ST8SIA4: variants seen among roughly 807,000 people sequenced by gnomAD.
ST8SIA4 encodes CMP-N-acetylneuraminate-poly-alpha-2,8-sialyltransferase.
ST8SIA4 carries 15 observed loss-of-function variants against 33.9 expected under a neutral mutation model. The ratio of observed to expected loss-of-function variants is 0.44; its 90% CI spans 0.30 to 0.68. The LOEUF (loss-of-function observed/expected upper bound fraction) is 0.68. Among genes scored for constraint, ST8SIA4 ranks in the 30% least tolerant of loss-of-function variants. The pLI, the probability that ST8SIA4 is intolerant of heterozygous loss-of-function variation, is 0.10. For synonymous variants in ST8SIA4, 171 were observed against 151.2 expected (o/e 1.13, Z -0.96); for missense variants, 321 against 428.0 (o/e 0.75, Z 2.21).
At chr5:100,846,294 C>T (rs1209152153) in intron 4 of ST8SIA4, among the ~76,000 whole-genome samples, 1 of 151,888 alleles carries the variant, frequency 6.6e-6, no homozygotes, top group Non-Finnish European at 1.5e-5. Context: ...ACTAACTGAA[C>T]CAAATTGCAA....
chr5:100,819,162 G>C (rs1040712769), intron 4 of ST8SIA4, among the ~76,000 whole-genome samples: 15 of 152,164 alleles, frequency 9.9e-5, no homozygotes, highest in African/African-American at 3.4e-4. Flanking sequence ...AGAGGATGCA[G>C]TTGTGGCTCA....
chr5:100,888,200 GAA>G (rs1275706895), intron 2 of ST8SIA4, among the ~76,000 whole-genome samples: 1 of 134,892 alleles, frequency 7.4e-6, no homozygotes, highest in African/African-American at 2.7e-5. Flanking sequence ...AGATTTTAAG[GAA>G]AAAAAAAAAA....
At chr5:100,868,046 C>G (rs1392926196) in intron 3 of ST8SIA4, among the ~76,000 whole-genome samples, 1 of 151,974 alleles carries the variant, frequency 6.6e-6, no homozygotes, top group Non-Finnish European at 1.5e-5. Context: ...GTATCTGATT[C>G]ATTACAAAGC....
chr5:100,828,894 C>T (rs1751195784), intron 4 of ST8SIA4, among the ~76,000 whole-genome samples: 2 of 151,788 alleles, frequency 1.3e-5, no homozygotes, highest in Admixed American at 1.3e-4. Context: ...GAAGAATTTT[C>T]ATTAGCTTAA....
At chr5:100,853,987 GTGTGTGTGTGTGTGTGTGTGTGTA>G (rs1468050105) in intron 4 of ST8SIA4, among the ~76,000 whole-genome samples, 13 of 24,024 alleles carry the variant, frequency 5.4e-4, no homozygotes, top group Admixed American at 2.5e-3. Context: ...GTGTGTGTAT[GTGTGTGTGTGTGTGTGTGTGTGTA>G]TGTTTAAGAT....
intron 1 of ST8SIA4, among the ~76,000 whole-genome samples, chr5:100,899,882 C>T (rs1752863102): frequency 6.6e-6 from 1 of 152,146 alleles, no homozygotes; most frequent in Admixed American, 6.5e-5. Context: ...TCAACTTAAA[C>T]TTTATTAACT....
chr5:100,819,621 A>C (rs1240497681), intron 4 of ST8SIA4, among the ~76,000 whole-genome samples: 1 of 152,230 alleles, frequency 6.6e-6, no homozygotes, highest in Non-Finnish European at 1.5e-5. Flanking sequence ...CAGAAGAGAC[A>C]GAAAATATTC....
intron 3 of ST8SIA4, among the ~76,000 whole-genome samples, chr5:100,876,066 A>G (rs184073397): frequency 6.6e-6 from 1 of 152,270 alleles, no homozygotes; most frequent in Admixed American, 6.5e-5. Flanking sequence ...TAAAACAAAG[A>G]CATAAAGCCT....
Position 100,868,608 on chromosome 5 carries a change from C to A in ST8SIA4, c.504-12212G>T, listed in dbSNP as rs1752130711. 2.0e-5 allele frequency among the ~76,000 whole-genome samples: 3 copies of A among 151,906 alleles called. No homozygotes were observed. The South Asian group carries it at 6.2e-4, about 31-fold the overall frequency. On this transcript the variant is annotated intron_variant, in intron 3 of 4. Coordinates refer to ENST00000231461, the MANE Select transcript of ST8SIA4 (RefSeq NM_005668.6). The stretch of plus-strand genomic sequence containing the variant: ...CCTAATTGGGTCTTTCATAACTATT[C>A]CCTCCCCTACCCAGAATTTTTGTTT...
In ST8SIA4 at chr5:100,806,964, C is replaced by T. The variant is rs552132173; in HGVS notation, c.*4883G>A. 6.6e-5 allele frequency: 10 copies of T among 152,168 alleles called. No individual in the cohort carries two copies. The highest frequency in any genetic ancestry group is 2.4e-4 in the African/African-American group (10 of 41,528). 9.4% of individuals were successfully genotyped at this position (152,168 alleles called of 1,614,324 possible). Reference sequence around the variant, plus strand: ...TTGTGAAATACTTTATTCCCTCAACCGCAAACAGAATGTGCTACACAAAAT... The same window carrying T: ...TTGTGAAATACTTTATTCCCTCAACTGCAAACAGAATGTGCTACACAAAAT... On this transcript the variant is annotated 3_prime_UTR_variant, in exon 5 of 5. Coordinates refer to ENST00000231461, the MANE Select transcript of ST8SIA4 (RefSeq NM_005668.6).
intron 4 of ST8SIA4, among the ~76,000 whole-genome samples, chr5:100,847,745 T>C (rs1751598625): frequency 6.6e-6 from 1 of 152,118 alleles, no homozygotes; most frequent in Non-Finnish European, 1.5e-5. Context: ...AGAAGTTAGC[T>C]AGATATGTCA....
chr5:100,828,876 G>C (rs914826992), intron 4 of ST8SIA4, among the ~76,000 whole-genome samples: 3 of 152,122 alleles, frequency 2.0e-5, no homozygotes, highest in Non-Finnish European at 4.4e-5. Context: ...CAGCAGGTCT[G>C]AGACTGAGAA....
chr5:100,902,942 C>G lies in ST8SIA4; in HGVS notation c.14G>C (p.Arg5Thr). Reference protein sequence around the residue: MRSIRKRWTICTISL... With the variant: MRSITKRWTICTISL... Reference sequence around the variant, plus strand: ...TATTGTGCAGATCGTCCACCTCTTCCTAATGGAGCGCATCTTGGGTGCCCG... The same window carrying G: ...TATTGTGCAGATCGTCCACCTCTTCGTAATGGAGCGCATCTTGGGTGCCCG... Residue 5 changes from arginine to threonine, a missense_variant, in exon 1 of 5, where the codon AGG becomes ACG. Coordinates refer to ENST00000231461, the MANE Select transcript of ST8SIA4 (RefSeq NM_005668.6). The G allele has an allele frequency of 6.2e-7, 1 of 1,614,154 alleles. No homozygotes were observed. The highest frequency in any genetic ancestry group is 1.6e-4 in the Middle Eastern group (1 of 6,062).
At position 100,891,554 on chromosome 5, in the gene ST8SIA4, A is replaced by G. The variant is rs1360439988; in HGVS notation, c.245+4100T>C. Among the ~76,000 whole-genome samples, 84 of 152,176 alleles carry G rather than the reference A, an allele frequency of 5.5e-4. 2 individuals carry two copies. Among genetic ancestry groups the G allele is most frequent in the Non-Finnish European group, 1.5e-5 (1 of 67,934 alleles). On this transcript the variant is annotated intron_variant, in intron 2 of 4. Coordinates refer to ENST00000231461, the MANE Select transcript of ST8SIA4 (RefSeq NM_005668.6). Reference sequence around the variant, plus strand: ...TAGTGTCAAAAAAAATCTTAAACACAACAAATGAAAAGGCAAAATTGTCCC... The same window carrying G: ...TAGTGTCAAAAAAAATCTTAAACACGACAAATGAAAAGGCAAAATTGTCCC...
chr5:100,858,167 A>G (rs1271037201), intron 3 of ST8SIA4, among the ~76,000 whole-genome samples: 1 of 152,050 alleles, frequency 6.6e-6, no homozygotes, highest in Non-Finnish European at 1.5e-5. Flanking sequence ...AAAGTAATCT[A>G]AACTCCTAAT....
At chr5:100,887,371 C>G (rs773468210) in intron 2 of ST8SIA4, among the ~76,000 whole-genome samples, 6 of 152,102 alleles carry the variant, frequency 3.9e-5, no homozygotes, top group Admixed American at 1.3e-4. Flanking sequence ...AGTCTCAAAA[C>G]CCAAGTAGAG....
intron 3 of ST8SIA4, among the ~76,000 whole-genome samples, chr5:100,868,229 G>A (rs550368600): frequency 1.3e-5 from 2 of 152,090 alleles, no homozygotes; most frequent in Non-Finnish European, 2.9e-5. Context: ...TTAATTGTGT[G>A]CTCATTGATA....
Position 100,807,071 on chromosome 5 carries a change from C to G in ST8SIA4, c.*4776G>C, listed in dbSNP as rs1750711215. The G allele has an allele frequency of 6.6e-6, 1 of 151,952 alleles. No homozygotes were observed. The highest frequency in any genetic ancestry group is 6.6e-5 in the Admixed American group (1 of 15,264). The allele number at this position is 151,952 out of a possible 1,614,324, so 9.4% of individuals were successfully genotyped here. A position where few individuals can be genotyped will look rare whatever the true frequency, so the allele number is the denominator to read the frequency against. The stretch of plus-strand genomic sequence containing the variant: ...TATACACTTAAAAATAAATGGTTTG[C>G]CTAATTGCCAACCACTAGGGCTAAG... On this transcript the variant is annotated 3_prime_UTR_variant, in exon 5 of 5. Coordinates refer to ENST00000231461, the MANE Select transcript of ST8SIA4 (RefSeq NM_005668.6).
intron 3 of ST8SIA4, among the ~76,000 whole-genome samples, chr5:100,873,669 G>C (rs1752246256): frequency 6.6e-6 from 1 of 152,094 alleles, no homozygotes; most frequent in Admixed American, 6.6e-5. Context: ...CTTAAGTGCT[G>C]CTTGAGAGTT....
Sources: allele counts gnomAD v4.1 joint callset (sites outside exome capture counted in the v4.1 genomes callset), GRCh38; gene constraint gnomAD v4.1.1; transcripts MANE v1.5; gene names NCBI Gene and HGNC (gene_info 2026-07-23, HGNC 2026-07-21).